CASK: variants seen among roughly 807,000 people sequenced by gnomAD.
CASK encodes the protein peripheral plasma membrane protein CASK.
A neutral mutation model predicts 82.9 loss-of-function variants in CASK; 4 were observed. The observed-to-expected ratio is 0.05, with a 90% CI of 0.02 to 0.11. CASK has a LOEUF of 0.11. Among genes scored for constraint, CASK ranks in the 10% least tolerant of loss-of-function variants. The pLI, the probability that CASK is intolerant of heterozygous loss-of-function variation, is 1.00. For missense variants in CASK, 358 were observed against 720.9 expected, an observed-to-expected ratio of 0.50 and a Z score of 5.76; for synonymous variants, 259 against 253.5, an observed-to-expected ratio of 1.02 and a Z score of -0.20.
chrX:41,699,075 C>T lies in CASK; in HGVS notation c.430-27545G>A, dbSNP rs762098459. Among the ~76,000 whole-genome samples the T allele has an allele frequency of 6.4e-5, 7 of 110,044 alleles. No individual in the cohort carries two copies. The South Asian group carries it at 2.4e-3, about 37-fold the overall frequency. On this transcript the variant is annotated intron_variant, in intron 5 of 26. Coordinates refer to ENST00000378163, the MANE Select transcript of CASK (RefSeq NM_001367721.1). ...CCGGGTAGCTAGGATTACAGGCGCC[C>T]GCCACCATGACCGGCTGTTTTGTAT... is the stretch of plus-strand genomic sequence containing the variant.
intron 11 of CASK, among the ~76,000 whole-genome samples, chrX:41,620,541 A>T (rs764705168): frequency 4.1e-4 from 46 of 111,785 alleles, no homozygotes; most frequent in African/African-American, 8.1e-4. Flanking sequence ...AATACTTTTT[A>T]AAAAAAATCT....
chrX:41,552,796 T>G (rs1266518870), intron 21 of CASK: 1 of 111,629 alleles, frequency 9.0e-6, no homozygotes, highest in Non-Finnish European at 1.9e-5. Context: ...AAAGAGGCGA[T>G]CAAGCAAAAG....
intron 8 of CASK, among the ~76,000 whole-genome samples, chrX:41,637,190 C>T (rs182972903): frequency 7.7e-3 from 841 of 108,532 alleles, no homozygotes; most frequent in Non-Finnish European, 0.012. Flanking sequence ...TGAGCTCAAG[C>T]GATCCTTCCG....
intron 18 of CASK, chrX:41,558,387 C>T (rs1203221375): frequency 9.2e-6 from 1 of 108,234 alleles, no homozygotes; most frequent in Non-Finnish European, 1.9e-5. Flanking sequence ...CAAACTAGTT[C>T]GACCATTTAA....
intron 12 of CASK, among the ~76,000 whole-genome samples, chrX:41,606,371 T>C (rs1045245495): frequency 9.8e-5 from 11 of 112,230 alleles, no homozygotes; most frequent in African/African-American, 3.6e-4. Flanking sequence ...GTTCAAGTGA[T>C]TCTCCTGCCT....
At chrX:41,555,340 C>T (rs1321251539) in intron 20 of CASK, among the ~76,000 whole-genome samples, 3 of 111,536 alleles carry the variant, frequency 2.7e-5, no homozygotes, top group Admixed American at 1.9e-4. Context: ...CCCACAGCCA[C>T]CCCCAAAGGC....
intron 25 of CASK, among the ~76,000 whole-genome samples, chrX:41,526,552 C>G (rs1019843358): frequency 5.6e-4 from 63 of 112,351 alleles, no homozygotes; most frequent in African/African-American, 1.9e-3. Context: ...CATCTCTGCA[C>G]TGCATTCACA....
At position 41,547,255 on chromosome X, in the gene CASK, A is replaced by G. The variant is rs145049564; in HGVS notation, c.2040-4449T>C. On this transcript the variant is annotated intron_variant, in intron 21 of 26. Transcript: ENST00000378163. ...GGCTTTATTTATACCACCTTATCAT[A>G]GATTATTTTGGAACAAATCCAAGAG... Among the ~76,000 whole-genome samples, 450 of 112,131 alleles carry G rather than the reference A, an allele frequency of 4.0e-3. 5 individuals carry two copies. The highest frequency in any genetic ancestry group is 0.013 in the African/African-American group (405 of 30,882).
At chrX:41,878,746 G>C (rs1282641982) in intron 1 of CASK, among the ~76,000 whole-genome samples, 1 of 110,771 alleles carries the variant, frequency 9.0e-6, no homozygotes, top group Non-Finnish European at 1.9e-5. Context: ...TTGGGGACTG[G>C]TGGGAGGGAA....
chrX:41,860,149 G>A (rs2071451137), intron 1 of CASK, among the ~76,000 whole-genome samples: 1 of 110,437 alleles, frequency 9.1e-6, no homozygotes, highest in South Asian at 3.8e-4. Flanking sequence ...AACTAGAAAT[G>A]AATAAGCCAT....
At chrX:41,627,992 G>T (rs1417098193) in intron 9 of CASK, among the ~76,000 whole-genome samples, 2 of 111,125 alleles carry the variant, frequency 1.8e-5, no homozygotes, top group Non-Finnish European at 3.8e-5. Context: ...CAACAAAAGT[G>T]AAACTCCGTC....
At chrX:41,655,242 C>T (rs1019727932) in intron 8 of CASK, among the ~76,000 whole-genome samples, 2 of 111,201 alleles carry the variant, frequency 1.8e-5, no homozygotes, top group African/African-American at 6.5e-5. Context: ...CTTGAGCTCA[C>T]ACAGTGTGGA....
chrX:41,776,003 TGTGCACATG>T (rs1295406473), intron 3 of CASK, among the ~76,000 whole-genome samples: 1 of 109,215 alleles, frequency 9.2e-6, no homozygotes, highest in Non-Finnish European at 1.9e-5. Context: ...ACCTGCACAT[TGTGCACATG>T]TACCCTAAAA....
intron 8 of CASK, among the ~76,000 whole-genome samples, chrX:41,657,694 T>A (rs1035181004): frequency 2.0e-4 from 22 of 111,023 alleles, no homozygotes; most frequent in African/African-American, 7.2e-4. Context: ...AGCTAATTTT[T>A]ATATTTTTAG....
At chrX:41,640,871 CA>C (rs1290010495) in intron 8 of CASK, among the ~76,000 whole-genome samples, 1 of 107,700 alleles carries the variant, frequency 9.3e-6, no homozygotes, top group African/African-American at 3.4e-5. Flanking sequence ...AGGACAGAGT[CA>C]AAATGTATTT....
At chrX:41,709,309 T>C (rs1335437885) in intron 5 of CASK, among the ~76,000 whole-genome samples, 1 of 111,955 alleles carries the variant, frequency 8.9e-6, no homozygotes, top group African/African-American at 3.2e-5. Context: ...ACTTATCAAT[T>C]ACAATGAAAA....
At chrX:41,724,178 T>C (rs2068214471) in intron 5 of CASK, 1 of 112,662 alleles carries the variant, frequency 8.9e-6, no homozygotes, top group Non-Finnish European at 1.9e-5. Flanking sequence ...CAAGAATCTA[T>C]TCACACTGAC....
chrX:41,668,618 T>C (rs1408409329), intron 6 of CASK, among the ~76,000 whole-genome samples: 2 of 112,125 alleles, frequency 1.8e-5, no homozygotes. Flanking sequence ...TGATTTTTAC[T>C]ATATGCAACA....
intron 3 of CASK, among the ~76,000 whole-genome samples, chrX:41,764,197 G>A (rs1226162104): frequency 9.0e-6 from 1 of 110,754 alleles, no homozygotes; most frequent in Non-Finnish European, 1.9e-5. Flanking sequence ...CTATAATATT[G>A]TTCCTGATAC....
Sources: allele counts gnomAD v4.1 joint callset (sites outside exome capture counted in the v4.1 genomes callset), GRCh38; gene constraint gnomAD v4.1.1; transcripts MANE v1.5; gene names NCBI Gene and HGNC (gene_info 2026-07-23, HGNC 2026-07-21).